SLC6A11: variants seen among roughly 807,000 people sequenced by gnomAD.
The protein encoded by SLC6A11 is solute carrier family 6 member 11, also known as sodium- and chloride-dependent GABA transporter 3.
SLC6A11 carries 25 observed loss-of-function variants against 74.8 expected under a neutral mutation model. The ratio of observed to expected loss-of-function variants is 0.33; its 90% CI spans 0.24 to 0.47. The LOEUF (loss-of-function observed/expected upper bound fraction) is 0.47, where lower values mean the gene tolerates loss of function less well. SLC6A11 is among the 20% of genes least tolerant of loss of function. The pLI is 1.00. For synonymous variants in SLC6A11, 330 were observed against 330.2 expected (o/e 1.00, Z 0.01); for missense variants, 574 against 837.0 (o/e 0.69, Z 3.88).
At chr3:10,930,857 G>A (rs547379806) in intron 10 of SLC6A11, among the ~76,000 whole-genome samples, 1 of 152,066 alleles carries the variant, frequency 6.6e-6, no homozygotes, top group Admixed American at 6.5e-5. Flanking sequence ...GGCCATCAGG[G>A]AGCCAGCGCC....
intron 8 of SLC6A11, among the ~76,000 whole-genome samples, chr3:10,922,546 A>C (rs1695550431): frequency 6.6e-6 from 1 of 152,194 alleles, no homozygotes; most frequent in Non-Finnish European, 1.5e-5. Flanking sequence ...AACTAGAAAC[A>C]AACAAGGATG....
At chr3:10,917,876 G>C (rs897709476) in intron 7 of SLC6A11, among the ~76,000 whole-genome samples, 1 of 152,164 alleles carries the variant, frequency 6.6e-6, no homozygotes, top group African/African-American at 2.4e-5. Context: ...GGCTGCCGGA[G>C]CTTCAGGTGC....
At chr3:10,861,961 A>G (rs1414837878) in intron 5 of SLC6A11, among the ~76,000 whole-genome samples, 2 of 152,200 alleles carry the variant, frequency 1.3e-5, no homozygotes, top group East Asian at 3.9e-4. Context: ...CTTTCAGAAC[A>G]GGGGATGCTT....
intron 5 of SLC6A11, among the ~76,000 whole-genome samples, chr3:10,863,012 A>C (rs1328451801): frequency 1.3e-5 from 2 of 152,200 alleles, no homozygotes; most frequent in Non-Finnish European, 2.9e-5. Context: ...ACCAGGGCCT[A>C]TTGCAGACAT....
chr3:10,827,505 G>A (rs533083108), intron 4 of SLC6A11, among the ~76,000 whole-genome samples: 1 of 152,268 alleles, frequency 6.6e-6, no homozygotes, highest in Non-Finnish European at 1.5e-5. Context: ...TCTCTTTGTT[G>A]TTTCCTTGTG....
chr3:10,868,450 G>T (rs556241235), intron 5 of SLC6A11, among the ~76,000 whole-genome samples: 1 of 152,206 alleles, frequency 6.6e-6, no homozygotes, highest in Non-Finnish European at 1.5e-5. Flanking sequence ...AGCAATTAGC[G>T]TCAATTAAAA....
chr3:10,833,625 T>A (rs909998430), intron 4 of SLC6A11, among the ~76,000 whole-genome samples: 15 of 152,180 alleles, frequency 9.9e-5, no homozygotes, highest in Admixed American at 3.3e-4. Context: ...GACCTGGGCT[T>A]TGGGGCCAAC....
Position 10,938,393 on chromosome 3 carries a change from G to C in SLC6A11, c.1890G>C (p.Thr630=), listed in dbSNP as rs770168883. Reference sequence around the variant, plus strand: ...TCGCAGCCATCACAGAGAAGGAGACGCACTTCTGAGCGGCCACCAGCCATC... The same window carrying C: ...TCGCAGCCATCACAGAGAAGGAGACCCACTTCTGAGCGGCCACCAGCCATC... ...GTIAAITEKE[T]HF The change falls in exon 14 of 14, where the codon ACG becomes ACC. Residue 630 remains threonine, a synonymous_variant. Transcript: ENST00000254488. 1 of 1,593,420 alleles carries C rather than the reference G, an allele frequency of 6.3e-7. No individual in the cohort carries two copies. Among genetic ancestry groups the C allele is most frequent in the Non-Finnish European group, 8.6e-7 (1 of 1,165,026 alleles).
chr3:10,934,968 C>T, intron 12 of SLC6A11, 61 bp from the exon 13 acceptor site: 1 of 1,467,004 alleles, frequency 6.8e-7, no homozygotes, highest in Non-Finnish European at 9.4e-7. Context: ...GCCTCAGACC[C>T]CTCATGGCCT....
In SLC6A11 at chr3:10,939,163, A is replaced by G. The variant is rs3732371; in HGVS notation, c.*761A>G. ...CAATAATCTCCGCCCTCCCAGTTGT[A>G]CCTCCTCCCCACCTGCTTATTTAAA... is the stretch of plus-strand genomic sequence containing the variant. On this transcript the variant is annotated 3_prime_UTR_variant, in exon 14 of 14. Transcript: ENST00000254488. The G allele has an allele frequency of 0.018, 2,675 of 152,194 alleles. 84 individuals are homozygous for G. Among genetic ancestry groups the G allele is most frequent in the East Asian group, 0.17 (858 of 5,164 alleles). The allele number at this position is 152,194 out of a possible 1,614,324, so 9.4% of individuals were successfully genotyped here. A position where few individuals can be genotyped will look rare whatever the true frequency, so the allele number is the denominator to read the frequency against.
At chr3:10,935,588 G>A (rs1445520713) in intron 13 of SLC6A11, among the ~76,000 whole-genome samples, 2 of 152,182 alleles carry the variant, frequency 1.3e-5, no homozygotes, top group East Asian at 3.8e-4. Flanking sequence ...CACTGTGCCA[G>A]GCCGTCTACC....
At chr3:10,873,517 ATGCCAT>A in intron 5 of SLC6A11, among the ~76,000 whole-genome samples, 1 of 150,116 alleles carries the variant, frequency 6.7e-6, no homozygotes, top group African/African-American at 2.5e-5. Context: ...ATCCTATGCC[ATGCCAT>A]CCTATCCTGT....
chr3:10,888,509 G>T (rs1350599507), intron 6 of SLC6A11, among the ~76,000 whole-genome samples: 1 of 152,128 alleles, frequency 6.6e-6, no homozygotes, highest in African/African-American at 2.4e-5. Context: ...AGTTTGTCTG[G>T]CTACCTCCAG....
Position 10,893,488 on chromosome 3 carries a change from A to G in SLC6A11, c.891+18393A>G, listed in dbSNP as rs533131019. On this transcript the variant is annotated intron_variant, in intron 6 of 13. Coordinates refer to ENST00000254488, the MANE Select transcript of SLC6A11 (RefSeq NM_014229.3). Reference sequence around the variant, plus strand: ...AAGGAGGAGACAACTGATCCCAGAAAACTCAGTTTTTCTGATCTGAGACTG... The same window carrying G: ...AAGGAGGAGACAACTGATCCCAGAAGACTCAGTTTTTCTGATCTGAGACTG... Among the ~76,000 whole-genome samples the G allele has an allele frequency of 5.8e-4, 89 of 152,218 alleles. 1 individual carries two copies. Among genetic ancestry groups the G allele is most frequent in the African/African-American group, 2.1e-3 (88 of 41,534 alleles).
rs1432217816 is a variant in SLC6A11 at position 10,935,081 on chromosome 3, T to G, written c.1628T>G (p.Ile543Ser). 6.2e-7 allele frequency: 1 copy of G among 1,614,098 alleles called. No individual in the cohort carries two copies. The highest frequency in any genetic ancestry group is 1.3e-5 in the African/African-American group (1 of 75,010). The change falls in exon 13 of 14, where the codon ATC (isoleucine) becomes AGC (serine). Residue 543 changes from isoleucine (I) to serine (S), a missense_variant. By Grantham distance (142) the Ile-to-Ser change is moderately radical. Transcript: ENST00000254488. ...IKYKPLKYNN[I>S]YTYPAWGYGI... ...TACAAGCCACTCAAGTACAACAACA[T>G]CTACACCTACCCAGCCTGGGGCTAT...
intron 4 of SLC6A11, among the ~76,000 whole-genome samples, chr3:10,841,466 G>C (rs1172059412): frequency 1.3e-5 from 2 of 152,194 alleles, no homozygotes; most frequent in African/African-American, 4.8e-5. Context: ...GAAACCAAAG[G>C]TCTGTTCCTA....
Position 10,939,808 on chromosome 3 carries a change from G to C in SLC6A11, c.*1406G>C, listed in dbSNP as rs145933005. 1 of 152,310 alleles carries C rather than the reference G, an allele frequency of 6.6e-6. No homozygotes were observed. Among genetic ancestry groups the C allele is most frequent in the Non-Finnish European group, 1.5e-5 (1 of 68,124 alleles). The allele number at this position is 152,310 out of a possible 1,614,324, so 9.4% of individuals were successfully genotyped here. A position where few individuals can be genotyped will look rare whatever the true frequency, so the allele number is the denominator to read the frequency against. ...TCCGTGGGGCCTGGAGTCTGGTGCT[G>C]TTCCCCAGCCAGCCTGGCTGCAGAC... On this transcript the variant is annotated 3_prime_UTR_variant, in exon 14 of 14. Transcript: ENST00000254488.
chr3:10,829,282 T>C (rs1694260176), intron 4 of SLC6A11, among the ~76,000 whole-genome samples: 1 of 152,216 alleles, frequency 6.6e-6, no homozygotes, highest in Non-Finnish European at 1.5e-5. Flanking sequence ...TGATGGGTCA[T>C]AAGTGGGGTG....
chr3:10,853,948 C>A (rs1559560854), intron 5 of SLC6A11, among the ~76,000 whole-genome samples: 1 of 152,192 alleles, frequency 6.6e-6, no homozygotes, highest in Non-Finnish European at 1.5e-5. Context: ...AGGGCCCTGG[C>A]TTTCTTGTGT....
Sources: allele counts gnomAD v4.1 joint callset (sites outside exome capture counted in the v4.1 genomes callset), GRCh38; gene constraint gnomAD v4.1.1; transcripts MANE v1.5; gene names NCBI Gene and HGNC (gene_info 2026-07-23, HGNC 2026-07-21).